The following HTR2A variants were observed in gnomAD, a reference collection of about 807,000 sequenced individuals.
HTR2A encodes 5-HT2 receptor.
A neutral mutation model predicts 31.0 loss-of-function variants in HTR2A; 14 were observed. The ratio of observed to expected loss-of-function variants is 0.45; its 90% CI spans 0.30 to 0.71. The LOEUF (loss-of-function observed/expected upper bound fraction) is 0.71. Among genes scored for constraint, HTR2A ranks in the 30% least tolerant of loss-of-function variants. The pLI is 0.09. For synonymous variants in HTR2A, 209 were observed against 225.2 expected (o/e 0.93, Z 0.64); for missense variants, 442 against 573.3 (o/e 0.77, Z 2.34).
chr13:46,892,378 G>A lies in HTR2A; in HGVS notation c.613+12C>T. The A allele has an allele frequency of 1.2e-6, 2 of 1,610,790 alleles. No individual in the cohort carries two copies. Among genetic ancestry groups the A allele is most frequent in the Non-Finnish European group, 8.5e-7 (1 of 1,176,948 alleles). ...CATTTCAAATGAGACTCTGAAATAT[G>A]TTGCCACTTACCTACTGATATGGTC... On this transcript the variant is annotated intron_variant, in intron 3 of 3. Coordinates refer to ENST00000542664, the MANE Select transcript of HTR2A (RefSeq NM_000621.5).
At chr13:46,898,001 T>C (rs1421937890), upstream of HTR2A, among the ~76,000 whole-genome samples, 5 of 152,180 alleles carry the variant, frequency 3.3e-5, no homozygotes, top group African/African-American at 4.8e-5. Context: ...GCTGCTGTTA[T>C]CCGCGACTCT....
At chr13:46,836,623 AC>A (rs1876460896) in intron 3 of HTR2A, among the ~76,000 whole-genome samples, 1 of 152,104 alleles carries the variant, frequency 6.6e-6, no homozygotes, top group Non-Finnish European at 1.5e-5. Flanking sequence ...CAAAAACCAA[AC>A]CCAGTACAGT....
intron 3 of HTR2A, among the ~76,000 whole-genome samples, chr13:46,888,036 C>T (rs1436466590): frequency 6.6e-6 from 1 of 151,758 alleles, no homozygotes; most frequent in Admixed American, 6.6e-5. Context: ...ATGTAACAAA[C>T]CTGCACATCC....
intron 3 of HTR2A, among the ~76,000 whole-genome samples, chr13:46,837,005 T>C (rs867785456): frequency 1.1e-4 from 17 of 152,052 alleles, no homozygotes; most frequent in African/African-American, 3.9e-4. Flanking sequence ...AAAAAGTAGG[T>C]ATAGGATGAG....
chr13:46,844,093 A>G (rs1480851271), intron 3 of HTR2A, among the ~76,000 whole-genome samples: 1 of 152,200 alleles, frequency 6.6e-6, no homozygotes, highest in Admixed American at 6.5e-5. Flanking sequence ...GCTAGTTCAC[A>G]CTTTCAATAT....
At chr13:46,840,808 T>C (rs1219078943) in intron 3 of HTR2A, among the ~76,000 whole-genome samples, 6 of 152,214 alleles carry the variant, frequency 3.9e-5, no homozygotes, top group Admixed American at 6.5e-5. Context: ...TCCTTGGAGA[T>C]AGATCTTTCC....
At chr13:46,890,378 C>A (rs1019817678) in intron 3 of HTR2A, among the ~76,000 whole-genome samples, 4 of 152,192 alleles carry the variant, frequency 2.6e-5, no homozygotes, top group African/African-American at 9.6e-5. Context: ...TGAATGATCC[C>A]TGCCTGGCAC....
chr13:46,849,282 C>G (rs1306016458), intron 3 of HTR2A, among the ~76,000 whole-genome samples: 1 of 152,174 alleles, frequency 6.6e-6, no homozygotes, highest in Non-Finnish European at 1.5e-5. Flanking sequence ...TTGACCTAAT[C>G]TGCCTACTTC....
Position 46,896,854 on chromosome 13 carries a change from C to T in HTR2A, c.-509G>A, listed in dbSNP as rs1240512877. 1.9e-5 allele frequency: 29 copies of T among 1,535,418 alleles called. No individual in the cohort carries two copies. Among genetic ancestry groups the T allele is most frequent in the East Asian group, 9.8e-5 (4 of 40,846 alleles). On this transcript the variant is annotated 5_prime_UTR_variant, in exon 1 of 4. Transcript: ENST00000542664. ...TGCATGCAAGAGCTGAGCCAGCTCC[C>T]GCACTGCTAGGATCCTGTTGGCTTC...
intron 3 of HTR2A, among the ~76,000 whole-genome samples, chr13:46,861,474 A>G (rs933559207): frequency 6.6e-6 from 1 of 152,216 alleles, no homozygotes; most frequent in African/African-American, 2.4e-5. Flanking sequence ...GCAAAGGAGT[A>G]AAGTTGCTTC....
chr13:46,883,059 A>C (rs752181136), intron 3 of HTR2A, among the ~76,000 whole-genome samples: 15 of 152,240 alleles, frequency 9.9e-5, no homozygotes, highest in Non-Finnish European at 2.1e-4. Context: ...ATATTCACCA[A>C]GTCCTACAGC....
intron 3 of HTR2A, among the ~76,000 whole-genome samples, chr13:46,852,729 CT>C (rs1950697190): frequency 6.6e-6 from 1 of 152,192 alleles, no homozygotes; most frequent in Non-Finnish European, 1.5e-5. Flanking sequence ...TTTCCTTGGC[CT>C]GTCCACATAC....
chr13:46,859,478 G>A (rs185086162), intron 3 of HTR2A, among the ~76,000 whole-genome samples: 1 of 152,288 alleles, frequency 6.6e-6, no homozygotes, highest in Non-Finnish European at 1.5e-5. Context: ...CAAATCTCCT[G>A]TGAAATTATA....
chr13:46,852,043 C>T (rs1000616760), intron 3 of HTR2A: 2 of 149,104 alleles, frequency 1.3e-5, no homozygotes, highest in Admixed American at 1.3e-4. Flanking sequence ...AGGATTCAAT[C>T]TGTACTGGCT....
chr13:46,872,666 G>A (rs1476523014), intron 3 of HTR2A, among the ~76,000 whole-genome samples: 2 of 152,164 alleles, frequency 1.3e-5, no homozygotes, highest in Non-Finnish European at 2.9e-5. Flanking sequence ...TTAATACCTT[G>A]TGTCTCTGTT....
chr13:46,864,912 C>T (rs571384751), intron 3 of HTR2A, among the ~76,000 whole-genome samples: 1 of 150,772 alleles, frequency 6.6e-6, no homozygotes, highest in Non-Finnish European at 1.5e-5. Flanking sequence ...AATAATAAAG[C>T]TGCTTTCTTT....
rs752673964 is a variant in HTR2A at position 46,835,271 on chromosome 13, C to T, written c.982G>A (p.Val328Ile). Reference protein sequence around the residue: ...EQKACKVLGIVFFLFVVMWCP... With the variant: ...EQKACKVLGIIFFLFVVMWCP... ...CACATCACCACAAACAGGAAGAAGACGATGCCCAGCACCTTGCATGCCTTT... is the reference window on the plus strand; with the variant it reads ...CACATCACCACAAACAGGAAGAAGATGATGCCCAGCACCTTGCATGCCTTT... Residue 328 changes from valine (V) to isoleucine (I), a missense_variant, in exon 4 of 4, where the codon GTC (valine) becomes ATC (isoleucine). Val to Ile is a conservative substitution (Grantham distance 29). This residue lies in a region of HTR2A where 174 missense variants were observed against 195.1 expected (regional missense o/e 0.89). Coordinates refer to ENST00000542664, the MANE Select transcript of HTR2A (RefSeq NM_000621.5). 20 of 1,613,962 alleles carry T rather than the reference C, an allele frequency of 1.2e-5. No homozygotes were observed. The highest frequency in any genetic ancestry group is 1.3e-5 in the African/African-American group (1 of 74,888).
Position 46,895,407 on chromosome 13 carries a change from G to T in HTR2A, c.412+88C>A. On this transcript the variant is annotated intron_variant, in intron 2 of 3. Transcript: ENST00000542664. The surrounding 1 kb of genome is among the most constrained non-coding windows in gnomAD (Gnocchi z 4.4). ...AAAGACTTCTATTTATAGTTTGTTT[G>T]CCCCCTGAGCCCCATCTCATCTGCT... is the stretch of plus-strand genomic sequence containing the variant. 1 of 1,161,704 alleles carries T rather than the reference G, an allele frequency of 8.6e-7. No individual in the cohort carries two copies. The highest frequency in any genetic ancestry group is 1.6e-5 in the South Asian group (1 of 63,624). 72.0% of individuals were successfully genotyped at this position (1,161,704 alleles called of 1,614,324 possible).
At chr13:46,877,638 T>A (rs1950925893) in intron 3 of HTR2A, among the ~76,000 whole-genome samples, 1 of 152,170 alleles carries the variant, frequency 6.6e-6, no homozygotes, top group Non-Finnish European at 1.5e-5. Context: ...TGAAGTACAT[T>A]TTCTGCTTTG....
Sources: gnomAD v4.1 joint callset for allele counts (sites outside exome capture counted in the v4.1 genomes callset) on GRCh38, gnomAD v4.1.1 for gene constraint, gnomAD v4.1.1 regional missense constraint, Gnocchi (gnomAD v3.1) non-coding constraint, MANE v1.5 for transcripts, NCBI Gene and HGNC (gene_info 2026-07-23, HGNC 2026-07-21) for gene names.